FBN2: variants seen among roughly 807,000 people sequenced by gnomAD.
The protein encoded by FBN2 is fibrillin-2.
FBN2 carries 105 observed loss-of-function variants against 355.6 expected under a neutral mutation model. The observed-to-expected ratio is 0.30, with a 90% CI of 0.25 to 0.35. FBN2 has a LOEUF of 0.35. Among genes scored for constraint, FBN2 ranks in the 10% least tolerant of loss-of-function variants. The probability of loss-of-function intolerance (pLI) is 1.00; values close to 1 mark genes in which losing one functional copy is unlikely to be tolerated. For synonymous variants in FBN2, 1,350 were observed against 1,301.2 expected (o/e 1.04, Z -0.81); for missense variants, 3,280 against 3,758.7 (o/e 0.87, Z 3.33).
At chr5:128,270,000 T>C (rs1422858432) in intron 62 of FBN2, among the ~76,000 whole-genome samples, 3 of 152,124 alleles carry the variant, frequency 2.0e-5, no homozygotes, top group Admixed American at 1.3e-4. Flanking sequence ...AGCAGACATA[T>C]AGACCAATGG....
In FBN2 at chr5:128,260,680, T is replaced by C. The variant is rs1246400815; in HGVS notation, c.8365-851A>G. Among the ~76,000 whole-genome samples, 4 of 152,236 alleles carry C rather than the reference T, an allele frequency of 2.6e-5. No homozygotes were observed. The East Asian group carries it at 7.7e-4, about 29-fold the overall frequency. The stretch of plus-strand genomic sequence containing the variant: ...ACTGTCAAACATCAGTTGGGTATCT[T>C]AGTCTACTTAAGGTAAATGTAACAC... On this transcript the variant is annotated intron_variant, in intron 64 of 64. Coordinates refer to ENST00000262464, the MANE Select transcript of FBN2 (RefSeq NM_001999.4).
intron 11 of FBN2, among the ~76,000 whole-genome samples, chr5:128,383,837 A>C (rs147112393): frequency 6.6e-6 from 1 of 152,120 alleles, no homozygotes; most frequent in East Asian, 1.9e-4. Flanking sequence ...GGAGTAACTG[A>C]TACTCTCATA....
At chr5:128,369,131 G>C in intron 16 of FBN2, 51 bp downstream of exon 16, 1 of 1,579,008 alleles carries the variant, frequency 6.3e-7, no homozygotes, top group Non-Finnish European at 8.7e-7. Flanking sequence ...AAACATCTAA[G>C]GTTGTATTTC....
At chr5:128,476,899 CCA>C (rs1561475565) in intron 5 of FBN2, among the ~76,000 whole-genome samples, 2 of 152,282 alleles carry the variant, frequency 1.3e-5, no homozygotes, top group East Asian at 3.9e-4. Flanking sequence ...GGGAAACTTT[CCA>C]CAGTCTATGC....
rs756365546 is a variant in FBN2 at position 128,305,944 on chromosome 5, A to C, written c.5427T>G (p.Ile1809Met). The C allele has an allele frequency of 6.2e-7, 1 of 1,613,618 alleles. No individual in the cohort carries two copies. The highest frequency in any genetic ancestry group is 8.5e-7 in the Non-Finnish European group (1 of 1,179,556). Residue 1809 changes from isoleucine to methionine, a missense_variant, in exon 43 of 65, where the codon ATT becomes ATG. Around this residue, in one of 6 missense-constraint regions of FBN2, gnomAD observed 2,284 missense variants for 2,749.5 expected, o/e 0.83. Coordinates refer to ENST00000262464, the MANE Select transcript of FBN2 (RefSeq NM_001999.4). ...TGCCTGGAATCTCTTTACATTCATC[A>C]ATGTCTGAAATGGAACAGATTTGGT... is the stretch of plus-strand genomic sequence containing the variant. ...FDIHTGKAVD[I>M]DECKEIPGIC...
intron 56 of FBN2, 79 bp from the exon 57 acceptor site, chr5:128,278,920 T>A: frequency 8.6e-7 from 1 of 1,160,798 alleles, no homozygotes; most frequent in Admixed American, 1.9e-5. Context: ...AGCAGGGCAG[T>A]CAAGAATTTC....
chr5:128,318,897 T>A lies in FBN2; in HGVS notation c.4576A>T (p.Thr1526Ser). Residue 1526 changes from threonine (T) to serine (S), a missense_variant, in exon 35 of 65, where the codon ACA becomes TCA. By Grantham distance (58) the Thr-to-Ser change is moderately conservative. Transcript: ENST00000262464. ...ICDDGYELDR[T>S]GGNCTDIDEC... ...ACCATACCTGTACAGTTCCCTCCTG[T>A]TCTGTCCAATTCATAACCATCATCG... The A allele has an allele frequency of 6.2e-7, 1 of 1,613,586 alleles. No individual in the cohort carries two copies. The highest frequency in any genetic ancestry group is 1.1e-5 in the South Asian group (1 of 91,048).
At chr5:128,369,136 T>G in intron 16 of FBN2, 46 bp downstream of exon 16, 1 of 1,595,422 alleles carries the variant, frequency 6.3e-7, no homozygotes, top group Non-Finnish European at 8.6e-7. Flanking sequence ...TCTAAGGTTG[T>G]ATTTCTTGAT....
At position 128,393,196 on chromosome 5, in the gene FBN2, A is replaced by G. The variant is rs897947204; in HGVS notation, c.1404T>C (p.Ser468=). The change falls in exon 10 of 65, where the codon TCT becomes TCC. Residue 468 remains serine, a synonymous_variant. Transcript: ENST00000262464. The stretch of plus-strand genomic sequence containing the variant: ...CCACACCGGCTCCCCCAACGCCAGG[A>G]GAAAAGCCATTGCCTCCAGGGATGG... The part of the protein sequence containing the change: ...FIPIPGGNGF[S]PGVGGAGVGA... 1.2e-6 allele frequency: 2 copies of G among 1,614,078 alleles called. No homozygotes were observed. Among genetic ancestry groups the G allele is most frequent in the African/African-American group, 1.3e-5 (1 of 74,924 alleles).
chr5:128,273,345 T>C (rs1466644596), intron 61 of FBN2, among the ~76,000 whole-genome samples: 3 of 152,208 alleles, frequency 2.0e-5, no homozygotes, highest in African/African-American at 4.8e-5. Context: ...CAAGGTCCAC[T>C]GTAAGAAAGT....
At chr5:128,374,081 T>C (rs749816864) in intron 15 of FBN2, among the ~76,000 whole-genome samples, 5 of 152,158 alleles carry the variant, frequency 3.3e-5, no homozygotes, top group African/African-American at 4.8e-5. Context: ...AGGATTCAGT[T>C]ATCTAATATT....
intron 7 of FBN2, 114 bp downstream of exon 7, chr5:128,446,367 T>C (rs1754063711): frequency 1.8e-6 from 2 of 1,096,118 alleles, no homozygotes; most frequent in African/African-American, 1.5e-5. Flanking sequence ...TATGCTTTCA[T>C]AGTAGATAAA....
At position 128,456,017 on chromosome 5, in the gene FBN2, A is replaced by AC. The variant is rs1210536970; in HGVS notation, c.826+8706_826+8707insG. On this transcript the variant is annotated intron_variant, in intron 6 of 64. Transcript: ENST00000262464. ...AAAAAAAAAAAAAAAAAAAAAAAAA[A>AC]AAAAAAGCAACTGCTGAACACACTA... Among the ~76,000 whole-genome samples, 267 of 148,180 alleles carry AC rather than the reference A, an allele frequency of 1.8e-3. 2 individuals are homozygous for AC. Among genetic ancestry groups the AC allele is most frequent in the Non-Finnish European group, 3.4e-3 (228 of 67,144 alleles).
rs6862010 is a variant in FBN2 at position 128,280,353 on chromosome 5, C to T, written c.7013-36G>A. On this transcript the variant is annotated intron_variant, in intron 55 of 64. Coordinates refer to ENST00000262464, the MANE Select transcript of FBN2 (RefSeq NM_001999.4). ...ACAAACAATATGAATAATGAGAAAA[C>T]TGTCAAATTATAGTTTACAAGCTAT... The T allele has an allele frequency of 8.7e-4, 1,346 of 1,550,598 alleles. 10 individuals are homozygous for T. In the African/African-American group the frequency reaches 0.016, roughly 19 times the overall value.
At chr5:128,383,181 C>A (rs941769046) in intron 11 of FBN2, among the ~76,000 whole-genome samples, 10 of 151,998 alleles carry the variant, frequency 6.6e-5, no homozygotes, top group Non-Finnish European at 1.2e-4. Flanking sequence ...AGCTGAGAGT[C>A]CAGAAACAGA....
intron 61 of FBN2, among the ~76,000 whole-genome samples, chr5:128,272,583 A>G (rs909323944): frequency 6.6e-6 from 1 of 151,422 alleles, no homozygotes; most frequent in African/African-American, 2.4e-5. Flanking sequence ...ATACCTAAAA[A>G]GTACAATTAT....
chr5:128,372,641 G>A (rs1410649284), intron 15 of FBN2, among the ~76,000 whole-genome samples: 1 of 152,086 alleles, frequency 6.6e-6, no homozygotes, highest in East Asian at 1.9e-4. Context: ...ATAGGCACAT[G>A]CCACCATGCC....
At chr5:128,271,524 G>T (rs916996104) in intron 62 of FBN2, among the ~76,000 whole-genome samples, 1 of 152,146 alleles carries the variant, frequency 6.6e-6, no homozygotes, top group African/African-American at 2.4e-5. Context: ...CTGTAAGTAG[G>T]TACTTTTTCA....
chr5:128,450,483 G>C (rs1169858705), intron 6 of FBN2, among the ~76,000 whole-genome samples: 1 of 152,054 alleles, frequency 6.6e-6, no homozygotes, highest in African/African-American at 2.4e-5. Context: ...AACATATTTT[G>C]AATTAACTTA....
Sources: gnomAD v4.1 joint callset for allele counts (sites outside exome capture counted in the v4.1 genomes callset) on GRCh38, gnomAD v4.1.1 for gene constraint, gnomAD v4.1.1 regional missense constraint, MANE v1.5 for transcripts, NCBI Gene and HGNC (gene_info 2026-07-23, HGNC 2026-07-21) for gene names.